The following TRABD2B variants were observed in gnomAD, a reference collection of about 807,000 sequenced individuals.
TRABD2B encodes metalloprotease TIKI2.
In TRABD2B, 14 loss-of-function variants were observed where a neutral mutation model predicts 40.1. The ratio of observed to expected loss-of-function variants is 0.35; its 90% CI spans 0.23 to 0.55. The LOEUF (loss-of-function observed/expected upper bound fraction) is 0.55, where lower values mean the gene tolerates loss of function less well. Among genes scored for constraint, TRABD2B ranks in the 20% least tolerant of loss-of-function variants. The probability of loss-of-function intolerance (pLI) is 0.90; values close to 1 mark genes in which losing one functional copy is unlikely to be tolerated. For missense variants in TRABD2B, 541 were observed against 648.6 expected (o/e 0.83, Z 1.80); for synonymous variants, 263 against 277.0 (o/e 0.95, Z 0.50).
At chr1:47,845,103 T>A (rs1213332951) in intron 2 of TRABD2B, among the ~76,000 whole-genome samples, 2 of 152,122 alleles carry the variant, frequency 1.3e-5, no homozygotes, top group Admixed American at 1.3e-4. Context: ...GCTGGTCAGG[T>A]GCGTGCTCGT....
chr1:47,994,320 T>A lies in TRABD2B; in HGVS notation c.380A>T (p.Tyr127Phe). Residue 127 changes from tyrosine to phenylalanine, a missense_variant, in exon 2 of 7, where the codon TAC (tyrosine) becomes TTC (phenylalanine). By Grantham distance (22) the Tyr-to-Phe change is conservative (BLOSUM62 3). Transcript: ENST00000606738. This position sits in a 1 kb window ranked among gnomAD's most constrained non-coding sequence, Gnocchi z 6.7. Reference protein sequence around the residue: ...LYWRLKRHLDYVKLMMPSWMT... With the variant: ...LYWRLKRHLDFVKLMMPSWMT... ...CCAGGAGGGCATCATCAACTTCACG[T>A]AGTCCAGGTGGCGCTTCAAGCGCCA... is the stretch of plus-strand genomic sequence containing the variant. 1 of 1,536,290 alleles carries A rather than the reference T, an allele frequency of 6.5e-7. No individual in the cohort carries two copies. The highest frequency in any genetic ancestry group is 1.2e-5 in the South Asian group (1 of 84,070).
intron 2 of TRABD2B, among the ~76,000 whole-genome samples, chr1:47,983,974 A>G (rs1645879682): frequency 6.6e-6 from 1 of 152,242 alleles, no homozygotes; most frequent in Middle Eastern, 3.2e-3. Context: ...TAAAGCTAAA[A>G]GATGAGCCAG....
intron 2 of TRABD2B, among the ~76,000 whole-genome samples, chr1:47,932,901 G>C (rs1040793590): frequency 6.6e-6 from 1 of 152,200 alleles, no homozygotes; most frequent in African/African-American, 2.4e-5. Context: ...TCTTACAGCA[G>C]TTGATACTGG....
At chr1:47,962,002 G>A (rs1297235310) in intron 2 of TRABD2B, among the ~76,000 whole-genome samples, 1 of 152,100 alleles carries the variant, frequency 6.6e-6, no homozygotes, top group Non-Finnish European at 1.5e-5. Context: ...AGAAAATGTG[G>A]CACATATACA....
At chr1:47,845,386 G>A (rs1645455548) in intron 2 of TRABD2B, among the ~76,000 whole-genome samples, 1 of 152,178 alleles carries the variant, frequency 6.6e-6, no homozygotes, top group Non-Finnish European at 1.5e-5. Flanking sequence ...CTCTTACTAA[G>A]TGTCTGGCAC....
intron 4 of TRABD2B, among the ~76,000 whole-genome samples, chr1:47,788,768 C>G (rs150265888): frequency 3.3e-4 from 51 of 152,296 alleles, no homozygotes; most frequent in African/African-American, 1.2e-3. Context: ...GATTATAGCA[C>G]GTGCTAGGGA....
intron 2 of TRABD2B, among the ~76,000 whole-genome samples, chr1:47,809,418 A>ACCCCCAC (rs1553153448): frequency 3.9e-5 from 6 of 151,900 alleles, no homozygotes; most frequent in African/African-American, 1.4e-4. Context: ...CCGTCACAGG[A>ACCCCCAC]CCCCCACCCT....
At chr1:47,899,544 A>G (rs1224780427) in intron 2 of TRABD2B, among the ~76,000 whole-genome samples, 6 of 152,186 alleles carry the variant, frequency 3.9e-5, no homozygotes, top group Non-Finnish European at 1.5e-5. Flanking sequence ...CCTACGTGGC[A>G]CTCTGCCCAT....
At chr1:47,840,845 T>C (rs1360558553) in intron 2 of TRABD2B, among the ~76,000 whole-genome samples, 1 of 152,274 alleles carries the variant, frequency 6.6e-6, no homozygotes, top group East Asian at 1.9e-4. Context: ...AGGATGGAGA[T>C]TGTCCTTAAG....
intron 2 of TRABD2B, among the ~76,000 whole-genome samples, chr1:47,834,283 A>G (rs1348234394): frequency 6.6e-6 from 1 of 152,244 alleles, no homozygotes; most frequent in African/African-American, 2.4e-5. Context: ...GCATTCGAAA[A>G]CAGCTGGATC....
chr1:47,812,337 T>C (rs1644976342), intron 2 of TRABD2B, among the ~76,000 whole-genome samples: 1 of 152,090 alleles, frequency 6.6e-6, no homozygotes, highest in African/African-American at 2.4e-5. Flanking sequence ...ACACAGAGGT[T>C]GGGGGCCTCA....
intron 2 of TRABD2B, among the ~76,000 whole-genome samples, chr1:47,876,815 C>T (rs1644231933): frequency 2.0e-5 from 3 of 152,202 alleles, no homozygotes; most frequent in Non-Finnish European, 2.9e-5. Context: ...ATACTAAGCA[C>T]CAACTGTTTG....
chr1:47,881,975 C>T (rs143167769), intron 2 of TRABD2B, among the ~76,000 whole-genome samples: 84 of 152,336 alleles, frequency 5.5e-4, no homozygotes, highest in African/African-American at 1.8e-3. Flanking sequence ...CTGGCTCTGA[C>T]GCATTGCCTG....
intron 2 of TRABD2B, among the ~76,000 whole-genome samples, chr1:47,904,307 C>T (rs1315954510): frequency 6.6e-6 from 1 of 152,080 alleles, no homozygotes; most frequent in African/African-American, 2.4e-5. Context: ...GGGGGAAGCA[C>T]AGAGTGTGGT....
At chr1:47,922,321 G>A (rs1010296835) in intron 2 of TRABD2B, among the ~76,000 whole-genome samples, 31 of 152,196 alleles carry the variant, frequency 2.0e-4, no homozygotes, top group African/African-American at 6.3e-4. Flanking sequence ...CCAAGAGCAC[G>A]ACTGAGTGGG....
chr1:47,828,955 C>A (rs1312778417), intron 2 of TRABD2B, among the ~76,000 whole-genome samples: 1 of 152,194 alleles, frequency 6.6e-6, no homozygotes, highest in African/African-American at 2.4e-5. Context: ...TACTGTGCGT[C>A]TGCATCGGCC....
chr1:47,813,648 T>C lies in TRABD2B; in HGVS notation c.667-12029A>G, dbSNP rs1170066588. ...TGTCCTGCCTGCTTGAGACTAGCAT[T>C]CTAAAAACCTTGTAAAGCAATATTG... On this transcript the variant is annotated intron_variant, in intron 2 of 6. Transcript: ENST00000606738. The surrounding 1 kb of genome is among the most constrained non-coding windows in gnomAD (Gnocchi z 4.3). 6.6e-6 allele frequency among the ~76,000 whole-genome samples: 1 copy of C among 152,138 alleles called. No homozygotes were observed. Among genetic ancestry groups the C allele is most frequent in the Non-Finnish European group, 1.5e-5 (1 of 68,030 alleles).
chr1:47,888,452 G>A (rs1312619547), intron 2 of TRABD2B, among the ~76,000 whole-genome samples: 11 of 152,172 alleles, frequency 7.2e-5, no homozygotes, highest in Admixed American at 7.2e-4. Context: ...ATACAAGGCT[G>A]GGCACTGGCT....
chr1:47,867,712 G>GA (rs935058008), intron 2 of TRABD2B, among the ~76,000 whole-genome samples: 14 of 150,514 alleles, frequency 9.3e-5, no homozygotes, highest in Admixed American at 1.3e-4. Context: ...TCCTTTATGA[G>GA]AAAAAAAAAT....
Sources: allele counts gnomAD v4.1 joint callset (sites outside exome capture counted in the v4.1 genomes callset), GRCh38; gene constraint gnomAD v4.1.1; non-coding constraint Gnocchi (gnomAD v3.1); transcripts MANE v1.5; gene names NCBI Gene and HGNC (gene_info 2026-07-23, HGNC 2026-07-21).